Variants in GRID2 observed in about 807,000 individuals in gnomAD.
GRID2 encodes glutamate ionotropic receptor delta type subunit 2, also known as glutamate receptor ionotropic, delta-2.
In GRID2, 33 loss-of-function variants were observed where a neutral mutation model predicts 114.8. The ratio of observed to expected loss-of-function variants is 0.29; its 90% CI spans 0.22 to 0.38. GRID2 has a LOEUF of 0.38. Ranked by LOEUF, GRID2 falls within the 10% of genes least tolerant of loss-of-function variation. The pLI, the probability that GRID2 is intolerant of heterozygous loss-of-function variation, is 1.00. For synonymous variants in GRID2, 505 were observed against 449.9 expected (o/e 1.12, Z -1.55); for missense variants, 1,184 against 1,257.7 (o/e 0.94, Z 0.89).
chr4:92,353,404 G>A (rs568862166), intron 1 of GRID2, among the ~76,000 whole-genome samples: 2 of 151,856 alleles, frequency 1.3e-5, no homozygotes, highest in South Asian at 4.2e-4. Flanking sequence ...ACACTATGAG[G>A]TTATTTTTGT....
Position 92,649,982 on chromosome 4 carries a change from T to A in GRID2, c.244+59696T>A, listed in dbSNP as rs7654414. ...TATCAGACATAACTCCATCATAAGT[T>A]GAGGAGCATATTGAATGCATATCAC... On this transcript the variant is annotated intron_variant, in intron 2 of 15. Transcript: ENST00000282020. 1.5e-3 allele frequency among the ~76,000 whole-genome samples: 228 copies of A among 151,894 alleles called. 2 individuals are homozygous for A. Among genetic ancestry groups the A allele is most frequent in the Non-Finnish European group, 1.7e-3 (114 of 67,916 alleles).
rs1262999550 is a variant in GRID2 at position 92,607,487 on chromosome 4, CA to C, written c.244+17203del. On this transcript the variant is annotated intron_variant, in intron 2 of 15. Coordinates refer to ENST00000282020, the MANE Select transcript of GRID2 (RefSeq NM_001510.4). ...AGTTACTGGGGGTGGGGAAGAACCG[CA>C]AGTTACTGGTGAACATTTTTCATAG... Among the ~76,000 whole-genome samples the C allele has an allele frequency of 2.6e-5, 4 of 151,822 alleles. No homozygotes were observed. In the Admixed American group the frequency reaches 2.6e-4, roughly 10 times the overall value.
At chr4:93,709,175 A>T (rs1481979704) in intron 14 of GRID2, among the ~76,000 whole-genome samples, 1 of 152,148 alleles carries the variant, frequency 6.6e-6, no homozygotes, top group Non-Finnish European at 1.5e-5. Context: ...ACTTGCTATT[A>T]CTAGGGAGTT....
chr4:93,595,191 G>A (rs1469731492), intron 13 of GRID2, among the ~76,000 whole-genome samples: 1 of 152,176 alleles, frequency 6.6e-6, no homozygotes, highest in Non-Finnish European at 1.5e-5. Context: ...GAAGCCTCCT[G>A]TAATATCCCT....
At chr4:92,482,095 A>G (rs537823544) in intron 1 of GRID2, among the ~76,000 whole-genome samples, 4 of 144,644 alleles carry the variant, frequency 2.8e-5, no homozygotes, top group Non-Finnish European at 3.0e-5. Flanking sequence ...ATTTATATAT[A>G]TCTATATTTA....
chr4:93,769,169 CTA>C, intron 14 of GRID2, 39 bp from the exon 15 acceptor site: 11 of 1,606,174 alleles, frequency 6.8e-6, no homozygotes, highest in Non-Finnish European at 9.4e-6. Context: ...AGGGCGATAA[CTA>C]TGTCTGTAAT....
At chr4:92,946,862 A>G (rs955324569) in intron 2 of GRID2, among the ~76,000 whole-genome samples, 3 of 152,068 alleles carry the variant, frequency 2.0e-5, no homozygotes, top group African/African-American at 4.8e-5. Flanking sequence ...TTCCATTCCT[A>G]TTAAGTTCCT....
chr4:92,825,714 A>G (rs541454908), intron 2 of GRID2, among the ~76,000 whole-genome samples: 2 of 152,112 alleles, frequency 1.3e-5, no homozygotes, highest in African/African-American at 4.8e-5. Flanking sequence ...AACAGAAACC[A>G]TGTTGTCAAA....
rs1038593620 is a variant in GRID2 at position 92,775,978 on chromosome 4, C to T, written c.244+185692C>T. Among the ~76,000 whole-genome samples the T allele has an allele frequency of 4.6e-5, 7 of 151,976 alleles. 1 individual carries two copies. The East Asian group carries it at 7.7e-4, about 17-fold the overall frequency. ...GTAATTCTGCAGGTAGATTGTCATACGGAAGATAATTTTAAAAAATTGACC... is the reference window on the plus strand; with the variant it reads ...GTAATTCTGCAGGTAGATTGTCATATGGAAGATAATTTTAAAAAATTGACC... On this transcript the variant is annotated intron_variant, in intron 2 of 15. Coordinates refer to ENST00000282020, the MANE Select transcript of GRID2 (RefSeq NM_001510.4).
At chr4:92,614,455 C>T (rs539097167) in intron 2 of GRID2, among the ~76,000 whole-genome samples, 9 of 151,056 alleles carry the variant, frequency 6.0e-5, no homozygotes, top group Non-Finnish European at 1.3e-4. Flanking sequence ...AATTTTTTTT[C>T]CAATTTTGTC....
intron 1 of GRID2, among the ~76,000 whole-genome samples, chr4:93,784,071 CAAAAAAAAAAAA>C (rs70942993): frequency 4.1e-4 from 16 of 38,988 alleles, no homozygotes; most frequent in South Asian, 1.7e-3. Context: ...GACTCCGTCT[CAAAAAAAAAAAA>C]AAAAAAAAAA....
At chr4:93,361,410 A>G (rs1579817410) in intron 8 of GRID2, among the ~76,000 whole-genome samples, 1 of 151,844 alleles carries the variant, frequency 6.6e-6, no homozygotes, top group East Asian at 1.9e-4. Context: ...CAGTCTTTTC[A>G]GGGCTGTATG....
At chr4:92,578,388 G>A (rs992662489) in intron 1 of GRID2, among the ~76,000 whole-genome samples, 8 of 148,908 alleles carry the variant, frequency 5.4e-5, no homozygotes, top group African/African-American at 1.5e-4. Context: ...TTGTCCTTGC[G>A]ATAGTTTACT....
intron 2 of GRID2, among the ~76,000 whole-genome samples, chr4:92,830,978 A>G (rs932456605): frequency 6.6e-6 from 1 of 152,188 alleles, no homozygotes. Flanking sequence ...AGCTGTCATT[A>G]TCTTCTAGTG....
intron 2 of GRID2, among the ~76,000 whole-genome samples, chr4:92,880,991 C>T (rs1745968114): frequency 6.6e-6 from 1 of 152,264 alleles, no homozygotes; most frequent in South Asian, 2.1e-4. Context: ...AAACCTCTGC[C>T]TCCCGAGTTC....
chr4:93,703,427 T>C (rs772143868), intron 14 of GRID2, among the ~76,000 whole-genome samples: 1 of 152,218 alleles, frequency 6.6e-6, no homozygotes, highest in Non-Finnish European at 1.5e-5. Flanking sequence ...CTTTGAGTTA[T>C]TTTTAATGTA....
chr4:93,127,462 T>C (rs1734381736), intron 4 of GRID2, among the ~76,000 whole-genome samples: 1 of 152,218 alleles, frequency 6.6e-6, no homozygotes, highest in Non-Finnish European at 1.5e-5. Flanking sequence ...AATGACTTGA[T>C]TCTCAACACT....
intron 13 of GRID2, among the ~76,000 whole-genome samples, chr4:93,583,813 A>G (rs1245433375): frequency 6.6e-6 from 1 of 152,192 alleles, no homozygotes; most frequent in African/African-American, 2.4e-5. Flanking sequence ...ATACACTAGC[A>G]ATTGACAACT....
In GRID2 at chr4:93,416,066, C is replaced by G. The variant is rs75584297; in HGVS notation, c.1348-6705C>G. ...TTTAAAAATGTTTTCATTGCATATC[C>G]CGATGATCTGCTTTTCTTCTCTCCA... On this transcript the variant is annotated intron_variant, in intron 9 of 15. Coordinates refer to ENST00000282020, the MANE Select transcript of GRID2 (RefSeq NM_001510.4). Among the ~76,000 whole-genome samples, 127 of 151,952 alleles carry G rather than the reference C, an allele frequency of 8.4e-4. 1 individual carries two copies. The East Asian group carries it at 0.024, about 28-fold the overall frequency.
Sources: allele counts gnomAD v4.1 joint callset (sites outside exome capture counted in the v4.1 genomes callset), GRCh38; gene constraint gnomAD v4.1.1; transcripts MANE v1.5; gene names NCBI Gene and HGNC (gene_info 2026-07-23, HGNC 2026-07-21).